Variants in MMEL1 observed in about 807,000 individuals in gnomAD.
The protein encoded by MMEL1 is membrane metallo-endopeptidase-like 1.
In MMEL1, 98 loss-of-function variants were observed where a neutral mutation model predicts 117.1. The ratio of observed to expected loss-of-function variants is 0.84; its 90% confidence interval spans 0.71 to 0.99. The LOEUF (loss-of-function observed/expected upper bound fraction) is 0.99. Ranked by LOEUF, MMEL1 falls within the 50% of genes least tolerant of loss-of-function variation. MMEL1 has a pLI of 0.00. For synonymous variants in MMEL1, 390 were observed against 415.1 expected (o/e 0.94, Z 0.74); for missense variants, 1,014 against 1,049.1 (o/e 0.97, Z 0.46).
At chr1:2,604,620 G>A (rs544387208) in intron 9 of MMEL1, among the ~76,000 whole-genome samples, 3 of 151,908 alleles carry the variant, frequency 2.0e-5, no homozygotes, top group East Asian at 1.9e-4. Context: ...TGGGCCTGCC[G>A]GGGCTGTGGG....
Position 2,612,120 on chromosome 1 carries a change from A to G in MMEL1, c.232+7T>C, listed in dbSNP as rs770678597. The G allele has an allele frequency of 3.8e-6, 6 of 1,573,832 alleles. No homozygotes were observed. In the Admixed American group the frequency reaches 9.2e-5, roughly 24 times the overall value. On this transcript the variant is annotated splice_region_variant and intron_variant, in intron 3 of 23. Coordinates refer to ENST00000378412, the MANE Select transcript of MMEL1 (RefSeq NM_033467.4). This position sits in a 1 kb window ranked among gnomAD's most constrained non-coding sequence, Gnocchi z 5.4. ...GGGGCTGTTTTGGAAGGGAAGGCAA[A>G]GGCTACCTCGGGGTTTTCGTTTTAC...
intron 11 of MMEL1, among the ~76,000 whole-genome samples, chr1:2,602,915 C>G (rs1367491009): frequency 6.6e-6 from 1 of 152,098 alleles, no homozygotes; most frequent in African/African-American, 2.4e-5. Flanking sequence ...AGAGGTCACT[C>G]CGCTTTTCTG....
At chr1:2,597,262 C>T (rs1201950473) in intron 13 of MMEL1, among the ~76,000 whole-genome samples, 1 of 152,046 alleles carries the variant, frequency 6.6e-6, no homozygotes, top group African/African-American at 2.4e-5. Context: ...GGAGGCAGCC[C>T]TTTCTTCCTC....
intron 1 of MMEL1, 37 bp from the exon 2 acceptor site, chr1:2,629,558 T>A (rs1638446661): frequency 7.4e-7 from 1 of 1,344,578 alleles, no homozygotes; most frequent in Non-Finnish European, 9.7e-7. Context: ...GAGAGGGGCG[T>A]GGAGCTCCCC....
At chr1:2,591,452 C>A (rs1644703861) in intron 23 of MMEL1, 105 bp downstream of exon 23, 5 of 920,316 alleles carry the variant, frequency 5.4e-6, no homozygotes, top group Non-Finnish European at 7.1e-6. Context: ...CAAAATAAAC[C>A]TGTCTCTGTT....
chr1:2,608,178 C>T (rs533908862), intron 6 of MMEL1, among the ~76,000 whole-genome samples: 76 of 152,106 alleles, frequency 5.0e-4, no homozygotes, highest in Non-Finnish European at 8.2e-4. Context: ...CTCACGGAGA[C>T]GCCCCCTAAA....
chr1:2,611,575 C>T (rs1017009415), intron 3 of MMEL1, among the ~76,000 whole-genome samples: 8 of 152,174 alleles, frequency 5.3e-5, no homozygotes, highest in Non-Finnish European at 8.8e-5. Context: ...CATCTTCCAT[C>T]CCCATGGGTG....
chr1:2,596,535 G>C, intron 14 of MMEL1, 26 bp downstream of exon 14: 1 of 1,602,986 alleles, frequency 6.2e-7, no homozygotes, highest in Non-Finnish European at 8.5e-7. Context: ...CTGGCCCCGC[G>C]TGGGCCATGG....
rs1272043904 is a variant in MMEL1 at position 2,590,902 on chromosome 1, G to T, written c.*88C>A. 4 of 1,084,444 alleles carry T rather than the reference G, an allele frequency of 3.7e-6. No homozygotes were observed. In the African/African-American group the frequency reaches 5.0e-5, roughly 13 times the overall value. The allele number at this position is 1,084,444 out of a possible 1,614,324, so 67.2% of individuals were successfully genotyped here. The stretch of plus-strand genomic sequence containing the variant: ...TTGGCATGGTTGGCCGGGGCGGGAC[G>T]TACACTGGGTCGCCGCTAGCTGCAC... On this transcript the variant is annotated 3_prime_UTR_variant, in exon 24 of 24. Coordinates refer to ENST00000378412, the MANE Select transcript of MMEL1 (RefSeq NM_033467.4).
At chr1:2,623,083 C>T (rs1645314725) in intron 2 of MMEL1, among the ~76,000 whole-genome samples, 2 of 151,500 alleles carry the variant, frequency 1.3e-5, no homozygotes, top group South Asian at 2.1e-4. Flanking sequence ...GCAGGAGACT[C>T]GCTTGAACCC....
intron 14 of MMEL1, 69 bp downstream of exon 14, chr1:2,596,492 C>G (rs1644841974): frequency 6.4e-7 from 1 of 1,568,340 alleles, no homozygotes; most frequent in Non-Finnish European, 8.6e-7. Flanking sequence ...GTGGGAGTCT[C>G]AGGGCAGGGA....
chr1:2,604,319 A>G (rs4648652), intron 9 of MMEL1, 38 bp from the exon 10 acceptor site: 616,138 of 1,605,664 alleles, frequency 0.38, 124,529 homozygotes, highest in African/African-American at 0.68. Flanking sequence ...GGGTGGCCTC[A>G]GCCACCATGG....
intron 18 of MMEL1, 152 bp downstream of exon 18, chr1:2,594,233 T>A: frequency 2.1e-6 from 2 of 937,982 alleles, no homozygotes; most frequent in Admixed American, 2.1e-5. Flanking sequence ...GAGTGAGTGT[T>A]CCCCACGGGG....
intron 11 of MMEL1, among the ~76,000 whole-genome samples, chr1:2,603,160 C>T (rs1362798509): frequency 1.3e-5 from 2 of 152,210 alleles, no homozygotes; most frequent in African/African-American, 2.4e-5. Context: ...CTGTCTTGCC[C>T]TTGGCAAGAG....
rs1394479737 is a variant in MMEL1, at chr1:2,612,411, C to A, written c.155-207G>T. Among the ~76,000 whole-genome samples the A allele has an allele frequency of 6.6e-5, 10 of 152,138 alleles. No individual in the cohort carries two copies. The highest frequency in any genetic ancestry group is 7.2e-5 in the African/African-American group (3 of 41,426). On this transcript the variant is annotated intron_variant, in intron 2 of 23. Coordinates refer to ENST00000378412, the MANE Select transcript of MMEL1 (RefSeq NM_033467.4). The surrounding 1 kb of genome is among the most constrained non-coding windows in gnomAD (Gnocchi z 5.4). ...CAGCTTCAATCTGTGTCCTGCTGGG[C>A]TTGAATGGGGGGCGGTTTGCCCTGC...
At chr1:2,626,257 G>C (rs1332790918) in intron 2 of MMEL1, among the ~76,000 whole-genome samples, 1 of 152,178 alleles carries the variant, frequency 6.6e-6, no homozygotes, top group Admixed American at 6.5e-5. Context: ...GAGGTATGTG[G>C]ATTGAGCTTT....
intron 14 of MMEL1, 55 bp from the exon 15 acceptor site, chr1:2,596,162 A>G: frequency 6.6e-7 from 1 of 1,511,156 alleles, no homozygotes; most frequent in Non-Finnish European, 9.2e-7. Flanking sequence ...GCGAATGACC[A>G]GCCTCAAGGG....
intron 11 of MMEL1, among the ~76,000 whole-genome samples, chr1:2,603,604 G>A (rs1471755774): frequency 1.3e-5 from 2 of 152,062 alleles, no homozygotes; most frequent in East Asian, 1.9e-4. Context: ...TGAGGCCTCC[G>A]TTTCCTGCTC....
At chr1:2,610,135 G>A (rs1645103101) in intron 4 of MMEL1, among the ~76,000 whole-genome samples, 1 of 152,042 alleles carries the variant, frequency 6.6e-6, no homozygotes, top group Non-Finnish European at 1.5e-5. Context: ...TGAACTCCTG[G>A]GCTTAAGCAA....
Sources: allele counts gnomAD v4.1 joint callset (sites outside exome capture counted in the v4.1 genomes callset), GRCh38; gene constraint gnomAD v4.1.1; non-coding constraint Gnocchi (gnomAD v3.1); transcripts MANE v1.5; gene names NCBI Gene and HGNC (gene_info 2026-07-23, HGNC 2026-07-21).